STX7: variants seen among roughly 807,000 people sequenced by gnomAD.
The protein encoded by STX7 is syntaxin-7.
In STX7, 34 loss-of-function variants were observed where a neutral mutation model predicts 39.6. The ratio of observed to expected loss-of-function variants is 0.86; its 90% CI spans 0.65 to 1.14. The LOEUF (loss-of-function observed/expected upper bound fraction) is 1.14. Among genes scored for constraint, STX7 ranks in the 50% most tolerant of loss-of-function variants. STX7 has a pLI of 0.00. For synonymous variants in STX7, 119 were observed against 99.1 expected (o/e 1.20, Z -1.19); for missense variants, 284 against 310.4 (o/e 0.92, Z 0.64).
Position 132,501,831 on chromosome 6 carries a change from C to T in STX7, c.85+1615G>A, listed in dbSNP as rs180871703. Among the ~76,000 whole-genome samples, 3 of 151,984 alleles carry T rather than the reference C, an allele frequency of 2.0e-5. No homozygotes were observed. In the East Asian group the frequency reaches 5.8e-4, roughly 29 times the overall value. ...ATTTTTGCACAGGTAGCCAGATACA[C>T]TTGGGGCAGACCAGTGCTATTTCTA... is the stretch of plus-strand genomic sequence containing the variant. On this transcript the variant is annotated intron_variant, in intron 2 of 9. Transcript: ENST00000367941.
chr6:132,489,362 A>C (rs1472168309), intron 2 of STX7, among the ~76,000 whole-genome samples: 1 of 152,144 alleles, frequency 6.6e-6, no homozygotes, highest in African/African-American at 2.4e-5. Context: ...TGTAGAGAAA[A>C]ATGTATCATT....
In STX7 at chr6:132,452,603, G is replaced by T. The variant is rs1415237534; in HGVS notation, c.*8155C>A. ...GTACTTAGAATAGACATGTGAACAGGAAATTCAAAATACAATGCCATTTAC... is the reference window on the plus strand; with the variant it reads ...GTACTTAGAATAGACATGTGAACAGTAAATTCAAAATACAATGCCATTTAC... On this transcript the variant is annotated 3_prime_UTR_variant, in exon 10 of 10. Transcript: ENST00000367941. The T allele has an allele frequency of 2.6e-5, 4 of 152,038 alleles. No homozygotes were observed. Among genetic ancestry groups the T allele is most frequent in the African/African-American group, 9.7e-5 (4 of 41,400 alleles). 9.4% of individuals were successfully genotyped at this position (152,038 alleles called of 1,614,324 possible). A position where few individuals can be genotyped will look rare whatever the true frequency, so the allele number is the denominator to read the frequency against.
intron 3 of STX7, among the ~76,000 whole-genome samples, chr6:132,474,165 C>A (rs955119798): frequency 7.2e-6 from 1 of 138,882 alleles, no homozygotes; most frequent in Non-Finnish European, 1.5e-5. Flanking sequence ...GAGGTCCAGG[C>A]TGCAGTGAAC....
At chr6:132,465,220 C>A (rs1774532877) in intron 8 of STX7, among the ~76,000 whole-genome samples, 1 of 152,158 alleles carries the variant, frequency 6.6e-6, no homozygotes, top group Non-Finnish European at 1.5e-5. Context: ...CATCCCAAAC[C>A]CTGACATTCC....
At chr6:132,499,004 CCATTT>C (rs749822338) in intron 2 of STX7, among the ~76,000 whole-genome samples, 2 of 152,150 alleles carry the variant, frequency 1.3e-5, no homozygotes, top group Non-Finnish European at 2.9e-5. Context: ...ACCTTGCTTC[CCATTT>C]CATTTAAGAA....
At chr6:132,472,211 T>G in intron 4 of STX7, 71 bp downstream of exon 4, 2 of 1,164,114 alleles carry the variant, frequency 1.7e-6, no homozygotes, top group South Asian at 3.0e-5. Flanking sequence ...GCGTAACAGT[T>G]CAAAGATCCT....
chr6:132,465,938 C>T (rs1044267298), intron 8 of STX7, among the ~76,000 whole-genome samples: 3 of 152,178 alleles, frequency 2.0e-5, no homozygotes, highest in Non-Finnish European at 2.9e-5. Flanking sequence ...GGTAGATCAC[C>T]TTCATCAATC....
At chr6:132,495,647 C>CA (rs964339338) in intron 2 of STX7, among the ~76,000 whole-genome samples, 17 of 145,170 alleles carry the variant, frequency 1.2e-4, no homozygotes, top group African/African-American at 2.3e-4. Context: ...GCCCTGGCAC[C>CA]AAAAAAAAAA....
chr6:132,487,007 A>G (rs118168226), intron 2 of STX7, among the ~76,000 whole-genome samples: 5,868 of 152,218 alleles, frequency 0.039, 187 homozygotes, highest in Non-Finnish European at 0.054. Context: ...TCTGGTTTCA[A>G]TATAAGGATT....
At chr6:132,479,270 C>T (rs1484366236) in intron 2 of STX7, among the ~76,000 whole-genome samples, 1 of 151,900 alleles carries the variant, frequency 6.6e-6, no homozygotes, top group Non-Finnish European at 1.5e-5. Context: ...GACCATCCAG[C>T]GAGTTCAAGT....
At chr6:132,463,928 C>A in intron 9 of STX7, 65 bp downstream of exon 9, 1 of 1,488,122 alleles carries the variant, frequency 6.7e-7, no homozygotes, top group African/African-American at 1.4e-5. Context: ...GCTTCCTCAA[C>A]ACAAACACAC....
At chr6:132,504,272 G>A (rs73772515) in intron 1 of STX7, among the ~76,000 whole-genome samples, 3,079 of 152,262 alleles carry the variant, frequency 0.02, 89 homozygotes, top group African/African-American at 0.068. Context: ...CAACTACTGC[G>A]AAGCAAATGT....
At chr6:132,491,514 C>T (rs1314135776) in intron 2 of STX7, among the ~76,000 whole-genome samples, 1 of 152,236 alleles carries the variant, frequency 6.6e-6, no homozygotes, top group African/African-American at 2.4e-5. Context: ...TTCCTTGGGC[C>T]GCCCCTCACT....
At chr6:132,513,291 C>G (rs1448335131), upstream of STX7, 1 of 152,298 alleles carries the variant, frequency 6.6e-6, no homozygotes, top group African/African-American at 2.4e-5. Context: ...TGGTGAACGC[C>G]TCTTAGCCTG....
intron 2 of STX7, among the ~76,000 whole-genome samples, chr6:132,502,407 G>A (rs1372983508): frequency 6.6e-6 from 1 of 151,964 alleles, no homozygotes. Flanking sequence ...AACCCTGAGA[G>A]CAAGACTAGA....
intron 2 of STX7, among the ~76,000 whole-genome samples, chr6:132,499,113 G>T (rs1463348026): frequency 6.6e-6 from 1 of 150,906 alleles, no homozygotes; most frequent in Non-Finnish European, 1.5e-5. Context: ...GATGAAATGT[G>T]AACTTGCTAG....
chr6:132,495,289 A>G (rs1289794806), intron 2 of STX7, among the ~76,000 whole-genome samples: 1 of 152,226 alleles, frequency 6.6e-6, no homozygotes, highest in Non-Finnish European at 1.5e-5. Context: ...ATTTCCTTGG[A>G]CAAGATAGCA....
chr6:132,491,592 T>G (rs1484312062), intron 2 of STX7, among the ~76,000 whole-genome samples: 1 of 152,148 alleles, frequency 6.6e-6, no homozygotes, highest in Non-Finnish European at 1.5e-5. Flanking sequence ...AATTTTTTTG[T>G]GATTTCAATA....
Position 132,445,892 on chromosome 6 carries a change from A to G in STX7, c.*14866T>C, listed in dbSNP as rs1197688973. 1 of 152,228 alleles carries G rather than the reference A, an allele frequency of 6.6e-6. No individual in the cohort carries two copies. The highest frequency in any genetic ancestry group is 1.5e-5 in the Non-Finnish European group (1 of 68,044). 9.4% of individuals were successfully genotyped at this position (152,228 alleles called of 1,614,324 possible). ...TTTTCATTTCAGTATTCAGAGTTTTATAACATTTTGAAAAAGTAAATTTTC... is the reference window on the plus strand; with the variant it reads ...TTTTCATTTCAGTATTCAGAGTTTTGTAACATTTTGAAAAAGTAAATTTTC... On this transcript the variant is annotated 3_prime_UTR_variant, in exon 10 of 10. Coordinates refer to ENST00000367941, the MANE Select transcript of STX7 (RefSeq NM_003569.3).
Sources: gnomAD v4.1 joint callset for allele counts (sites outside exome capture counted in the v4.1 genomes callset) on GRCh38, gnomAD v4.1.1 for gene constraint, MANE v1.5 for transcripts, NCBI Gene and HGNC (gene_info 2026-07-23, HGNC 2026-07-21) for gene names.